Variants in TRAPPC9 observed in about 807,000 individuals in gnomAD.
TRAPPC9 encodes IKK2 binding protein.
Under a neutral mutation model 124.0 loss-of-function variants are expected in TRAPPC9, and 83 were observed. The ratio of observed to expected loss-of-function variants is 0.67; its 90% CI spans 0.56 to 0.80. The LOEUF is 0.80. Among genes scored for constraint, TRAPPC9 ranks in the 30% least tolerant of loss-of-function variants. The pLI is 0.00. For missense variants in TRAPPC9, 1,302 were observed against 1,508.3 expected (o/e 0.86, Z 2.27); for synonymous variants, 638 against 617.5 (o/e 1.03, Z -0.49).
At chr8:139,734,820 G>A (rs989565937) in intron 21 of TRAPPC9, among the ~76,000 whole-genome samples, 2 of 152,270 alleles carry the variant, frequency 1.3e-5, no homozygotes, top group Non-Finnish European at 2.9e-5. Flanking sequence ...GCCCAGGGAA[G>A]TAGCCCTTCA....
At chr8:139,909,242 G>A (rs1400159311) in intron 20 of TRAPPC9, among the ~76,000 whole-genome samples, 3 of 152,130 alleles carry the variant, frequency 2.0e-5, no homozygotes, top group African/African-American at 4.8e-5. Context: ...CCCCTTCCCC[G>A]GAGATGGGCT....
chr8:139,881,913 A>G (rs960611641), intron 21 of TRAPPC9, among the ~76,000 whole-genome samples: 1 of 152,180 alleles, frequency 6.6e-6, no homozygotes, highest in African/African-American at 2.4e-5. Flanking sequence ...CCCCAGACTG[A>G]AGAGCTCCTG....
At chr8:139,734,531 A>G (rs1052021168) in intron 21 of TRAPPC9, among the ~76,000 whole-genome samples, 15 of 152,252 alleles carry the variant, frequency 9.9e-5, no homozygotes, top group Non-Finnish European at 1.8e-4. Flanking sequence ...AAACATTTCT[A>G]AGAGAGGCTG....
At chr8:140,433,365 G>A (rs143058896) in intron 4 of TRAPPC9, among the ~76,000 whole-genome samples, 34 of 152,266 alleles carry the variant, frequency 2.2e-4, no homozygotes, top group African/African-American at 7.9e-4. Context: ...GAGGCAGGCA[G>A]ATCACTTATG....
intron 17 of TRAPPC9, among the ~76,000 whole-genome samples, chr8:140,049,255 G>T (rs1210031253): frequency 6.6e-6 from 1 of 152,180 alleles, no homozygotes; most frequent in East Asian, 1.9e-4. Context: ...CCCAGAGTTG[G>T]TCCTATGGCA....
chr8:140,170,465 T>G (rs2061945485), intron 17 of TRAPPC9, among the ~76,000 whole-genome samples: 1 of 152,200 alleles, frequency 6.6e-6, no homozygotes, highest in African/African-American at 2.4e-5. Flanking sequence ...GTGGCCTCTC[T>G]GAAACACTTG....
At chr8:140,109,668 C>T (rs2060727524) in intron 17 of TRAPPC9, among the ~76,000 whole-genome samples, 1 of 152,186 alleles carries the variant, frequency 6.6e-6, no homozygotes, top group South Asian at 2.1e-4. Context: ...AGCTAAGGGT[C>T]AATGGTGCCT....
intron 21 of TRAPPC9, among the ~76,000 whole-genome samples, chr8:139,755,536 T>G (rs1459813875): frequency 0.022 from 1,571 of 71,608 alleles, no homozygotes; most frequent in African/African-American, 0.067. Context: ...AGCCAGGGTT[T>G]GGGGATGAGG....
chr8:140,261,131 A>G (rs112577950), intron 15 of TRAPPC9, among the ~76,000 whole-genome samples: 5,414 of 152,256 alleles, frequency 0.036, 307 homozygotes, highest in African/African-American at 0.12. Context: ...CAGCATAAGG[A>G]CTTTCTGCGG....
chr8:140,057,082 T>C (rs551674809), intron 17 of TRAPPC9, among the ~76,000 whole-genome samples: 3 of 152,212 alleles, frequency 2.0e-5, no homozygotes, highest in South Asian at 2.1e-4. Context: ...AACAAACATA[T>C]GAAAAGATGC....
intron 5 of TRAPPC9, among the ~76,000 whole-genome samples, chr8:140,426,256 C>A (rs999731500): frequency 7.2e-5 from 11 of 152,146 alleles, no homozygotes; most frequent in Non-Finnish European, 1.5e-4. Context: ...AATTAACTCA[C>A]GTGGAAGGGA....
chr8:140,456,227 G>A (rs2071659417), intron 1 of TRAPPC9, among the ~76,000 whole-genome samples: 1 of 152,106 alleles, frequency 6.6e-6, no homozygotes, highest in African/African-American at 2.4e-5. Context: ...GGCCAACAGA[G>A]TGAAACCCCG....
In TRAPPC9 at chr8:139,864,493, C is replaced by T. The variant is rs537274050; in HGVS notation, c.3055+21386G>A. On this transcript the variant is annotated intron_variant, in intron 21 of 22. Coordinates refer to ENST00000438773, the MANE Select transcript of TRAPPC9 (RefSeq NM_001160372.4). ...ATTTTCTCATTTAAGGGATGGAATA[C>T]ATCTGGGACACTGTGACATAGGCCT... is the stretch of plus-strand genomic sequence containing the variant. Among the ~76,000 whole-genome samples the T allele has an allele frequency of 9.8e-5, 15 of 152,342 alleles. No individual in the cohort carries two copies. The South Asian group carries it at 2.9e-3, about 29-fold the overall frequency.
chr8:140,032,638 A>T (rs1840573919), intron 17 of TRAPPC9, among the ~76,000 whole-genome samples: 1 of 152,220 alleles, frequency 6.6e-6, no homozygotes. Context: ...AGTACCCTAA[A>T]AATTGGATTC....
chr8:140,149,266 T>A (rs959871782), intron 17 of TRAPPC9, among the ~76,000 whole-genome samples: 1 of 152,134 alleles, frequency 6.6e-6, no homozygotes, highest in African/African-American at 2.4e-5. Context: ...CCACTTCCAA[T>A]GGACCAGGAA....
chr8:139,947,392 G>A (rs1031199968), intron 19 of TRAPPC9, among the ~76,000 whole-genome samples: 12 of 152,146 alleles, frequency 7.9e-5, no homozygotes, highest in African/African-American at 1.7e-4. Context: ...CTCAGCCGCC[G>A]GGAGCAAAGG....
intron 17 of TRAPPC9, among the ~76,000 whole-genome samples, chr8:140,051,131 T>C (rs1841971889): frequency 6.6e-6 from 1 of 152,220 alleles, no homozygotes; most frequent in South Asian, 2.1e-4. Flanking sequence ...GACCACCAGA[T>C]GTTAGCAAGA....
intron 9 of TRAPPC9, among the ~76,000 whole-genome samples, chr8:140,341,427 C>A (rs1442400845): frequency 1.3e-5 from 2 of 152,154 alleles, no homozygotes; most frequent in East Asian, 1.9e-4. Context: ...CTGTGACCTG[C>A]AACAACCAAT....
At position 139,920,117 on chromosome 8, in the gene TRAPPC9, G is replaced by A. The variant is rs982054583; in HGVS notation, c.2811-9817C>T. On this transcript the variant is annotated intron_variant, in intron 19 of 22. Transcript: ENST00000438773. ...TCCCAGCACTTTGGGAGGCTAAGCC[G>A]GGCGGATCACTTGAGGTCAGGAGTT... Among the ~76,000 whole-genome samples the A allele has an allele frequency of 3.9e-4, 60 of 152,142 alleles. 1 individual carries two copies. Among genetic ancestry groups the A allele is most frequent in the South Asian group, 2.1e-4 (1 of 4,830 alleles).
Sources: allele counts gnomAD v4.1 joint callset (sites outside exome capture counted in the v4.1 genomes callset), GRCh38; gene constraint gnomAD v4.1.1; transcripts MANE v1.5; gene names NCBI Gene and HGNC (gene_info 2026-07-23, HGNC 2026-07-21).